Variants in SCN9A observed in about 807,000 individuals in gnomAD.
SCN9A encodes the protein sodium voltage-gated channel alpha subunit 9, also known as sodium channel protein type 9 subunit alpha.
Under a neutral mutation model 187.0 loss-of-function variants are expected in SCN9A, and 131 were observed. That is an observed-to-expected ratio of 0.70 (90% CI 0.61 to 0.81). SCN9A has a LOEUF of 0.81. Among genes scored for constraint, SCN9A ranks in the 30% least tolerant of loss-of-function variants. The pLI, the probability that SCN9A is intolerant of heterozygous loss-of-function variation, is 0.00. For missense variants in SCN9A, 2,252 were observed against 2,396.6 expected (o/e 0.94, Z 1.26); for synonymous variants, 809 against 808.6 (o/e 1.00, Z -0.01).
At chr2:166,277,712 G>C (rs183759342) in intron 15 of SCN9A, 57 of 217,862 alleles carry the variant, frequency 2.6e-4, no homozygotes, top group African/African-American at 1.3e-3. Context: ...GCATATTAGA[G>C]GAATGTGCTT....
At chr2:166,202,447 G>A (rs1574702404) in intron 26 of SCN9A, among the ~76,000 whole-genome samples, 2 of 151,390 alleles carry the variant, frequency 1.3e-5, no homozygotes, top group East Asian at 3.9e-4. Flanking sequence ...TTAATATTTT[G>A]CAGAATAAGC....
chr2:166,326,546 A>G (rs1294966395), intron 1 of SCN9A, among the ~76,000 whole-genome samples: 1 of 152,208 alleles, frequency 6.6e-6, no homozygotes, highest in Non-Finnish European at 1.5e-5. Flanking sequence ...TCAAGAATAA[A>G]TGCTACACAA....
At position 166,288,637 on chromosome 2, in the gene SCN9A, G is replaced by T. The variant is rs1234934110; in HGVS notation, c.1114C>A (p.Arg372Ser). 1 of 1,582,238 alleles carries T rather than the reference G, an allele frequency of 6.3e-7. No homozygotes were observed. Among genetic ancestry groups the T allele is most frequent in the Non-Finnish European group, 8.6e-7 (1 of 1,161,434 alleles). Residue 372 changes from arginine to serine, a missense_variant, in exon 10 of 27, where the codon CGT becomes AGT. Physicochemically the swap from Arg to Ser is moderately radical, Grantham distance 110. This residue lies in a region of SCN9A where 1,013 missense variants were observed against 997.4 expected (regional missense o/e 1.02). Transcript: ENST00000642356. ...YWENLYQQTL[R>S]AAGKTYMIFF... ...ATCATGTAGGTTTTGCCAGCAGCAC[G>T]CAGCGTCTAGGGAAAAATGGAAATT...
At chr2:166,209,865 T>G (rs1694000853) in intron 24 of SCN9A, among the ~76,000 whole-genome samples, 1 of 152,154 alleles carries the variant, frequency 6.6e-6, no homozygotes, top group South Asian at 2.1e-4. Flanking sequence ...GGTGGGACTG[T>G]AAACTAGTTC....
chr2:166,217,848 C>T (rs1184702857), intron 24 of SCN9A, among the ~76,000 whole-genome samples: 1 of 151,880 alleles, frequency 6.6e-6, no homozygotes, highest in Non-Finnish European at 1.5e-5. Flanking sequence ...TCAGCAATTC[C>T]ACTTCTAGGT....
At chr2:166,227,964 CAT>C (rs1694910905) in intron 22 of SCN9A, among the ~76,000 whole-genome samples, 1 of 152,112 alleles carries the variant, frequency 6.6e-6, no homozygotes, top group Non-Finnish European at 1.5e-5. Context: ...GAATTTCGCA[CAT>C]AACCTTTTAT....
At chr2:166,309,609 A>G (rs1362718210) in intron 2 of SCN9A, among the ~76,000 whole-genome samples, 4 of 152,016 alleles carry the variant, frequency 2.6e-5, no homozygotes, top group Non-Finnish European at 4.4e-5. Flanking sequence ...GAGGATACAA[A>G]CAAATGGAAG....
chr2:166,239,441 CT>C (rs1695470203), intron 19 of SCN9A, among the ~76,000 whole-genome samples: 1 of 152,094 alleles, frequency 6.6e-6, no homozygotes, highest in South Asian at 2.1e-4. Flanking sequence ...ATTCTACGTT[CT>C]GCTTTCAATA....
chr2:166,350,522 G>T (rs1206916913), intron 1 of SCN9A, among the ~76,000 whole-genome samples: 1 of 152,184 alleles, frequency 6.6e-6, no homozygotes, highest in Non-Finnish European at 1.5e-5. Context: ...ATGCATAGGG[G>T]TATACTTTAG....
intron 24 of SCN9A, among the ~76,000 whole-genome samples, chr2:166,218,438 A>T (rs1249868587): frequency 2.0e-5 from 3 of 152,160 alleles, no homozygotes; most frequent in Non-Finnish European, 4.4e-5. Context: ...AAAATAAAAA[A>T]GTGAGAAGTC....
intron 24 of SCN9A, among the ~76,000 whole-genome samples, chr2:166,216,293 G>A (rs1245269712): frequency 6.6e-6 from 1 of 152,052 alleles, no homozygotes; most frequent in Non-Finnish European, 1.5e-5. Flanking sequence ...AAACTGAAAA[G>A]TTGGGAGCTT....
At chr2:166,344,750 A>T (rs1699862205) in intron 1 of SCN9A, among the ~76,000 whole-genome samples, 1 of 152,192 alleles carries the variant, frequency 6.6e-6, no homozygotes, top group East Asian at 1.9e-4. Context: ...CAAACAGGGA[A>T]AGAAAAAACA....
chr2:166,265,134 C>T (rs529688112), intron 17 of SCN9A, among the ~76,000 whole-genome samples: 5 of 152,052 alleles, frequency 3.3e-5, no homozygotes, highest in South Asian at 2.1e-4. Context: ...AGTCATCCAA[C>T]GATTCAATAG....
At chr2:166,252,536 A>G (rs1696091722) in intron 17 of SCN9A, among the ~76,000 whole-genome samples, 1 of 151,940 alleles carries the variant, frequency 6.6e-6, no homozygotes, top group African/African-American at 2.4e-5. Flanking sequence ...CATTTTGTAT[A>G]TAACATTTTA....
chr2:166,263,665 C>A (rs1409930610), intron 17 of SCN9A, among the ~76,000 whole-genome samples: 1 of 151,890 alleles, frequency 6.6e-6, no homozygotes. Context: ...AAGTCCTAAC[C>A]CTGGCATGTT....
At chr2:166,224,679 G>A (rs539724820) in intron 24 of SCN9A, among the ~76,000 whole-genome samples, 105 of 152,150 alleles carry the variant, frequency 6.9e-4, no homozygotes, top group Non-Finnish European at 1.3e-3. Flanking sequence ...TGACACACAG[G>A]ACTAATTTGG....
intron 1 of SCN9A, among the ~76,000 whole-genome samples, chr2:166,351,588 T>A (rs1027365419): frequency 9.9e-5 from 15 of 152,180 alleles, no homozygotes; most frequent in Non-Finnish European, 4.4e-5. Context: ...CCTGACTTTG[T>A]GGTTTCAGAG....
At chr2:166,239,521 G>A (rs1015545274) in intron 19 of SCN9A, among the ~76,000 whole-genome samples, 3 of 152,044 alleles carry the variant, frequency 2.0e-5, no homozygotes, top group Non-Finnish European at 2.9e-5. Context: ...GACAAGTTGG[G>A]GCAGAAAGAC....
intron 1 of SCN9A, among the ~76,000 whole-genome samples, chr2:166,335,848 A>G (rs1457594373): frequency 1.3e-5 from 2 of 152,106 alleles, no homozygotes; most frequent in Admixed American, 6.6e-5. Flanking sequence ...GGGCTTAAAG[A>G]CCATTCTTTT....
Sources: allele counts gnomAD v4.1 joint callset (sites outside exome capture counted in the v4.1 genomes callset), GRCh38; gene constraint gnomAD v4.1.1; regional missense constraint gnomAD v4.1.1; transcripts MANE v1.5; gene names NCBI Gene and HGNC (gene_info 2026-07-23, HGNC 2026-07-21).